TMEM178B: variants seen among roughly 807,000 people sequenced by gnomAD.
TMEM178B encodes transmembrane protein 178B.
TMEM178B carries 5 observed loss-of-function variants against 31.0 expected under a neutral mutation model. The observed-to-expected ratio is 0.16, with a 90% CI of 0.08 to 0.34. The LOEUF is 0.34. TMEM178B is among the 10% of genes least tolerant of loss of function. TMEM178B has a pLI of 1.00. For missense variants in TMEM178B, 275 were observed against 400.3 expected (o/e 0.69, Z 2.67); for synonymous variants, 164 against 164.0 (o/e 1.00, Z 0.00).
chr7:141,151,850 C>T (rs1273911692), intron 1 of TMEM178B, among the ~76,000 whole-genome samples: 2 of 152,110 alleles, frequency 1.3e-5, no homozygotes, highest in African/African-American at 2.4e-5. Flanking sequence ...GGGGGGGTGC[C>T]CCTCACCTCT....
At chr7:141,437,554 T>C in intron 2 of TMEM178B, 54 bp from the exon 3 acceptor site, 1 of 1,530,166 alleles carries the variant, frequency 6.5e-7, no homozygotes, top group Non-Finnish European at 8.7e-7. Flanking sequence ...GGGTATACCC[T>C]GGCCCTCAGT....
chr7:141,310,091 C>T (rs1176849727), intron 2 of TMEM178B, among the ~76,000 whole-genome samples: 3 of 152,108 alleles, frequency 2.0e-5, no homozygotes, highest in Admixed American at 2.0e-4. Flanking sequence ...CAAATGGGAT[C>T]TAATTAAACT....
At chr7:141,133,606 C>G (rs957496350) in intron 1 of TMEM178B, among the ~76,000 whole-genome samples, 1 of 151,910 alleles carries the variant, frequency 6.6e-6, no homozygotes, top group Non-Finnish European at 1.5e-5. Context: ...ATAAAGCAAC[C>G]AAATATTTGA....
intron 2 of TMEM178B, among the ~76,000 whole-genome samples, chr7:141,316,061 C>G (rs763345298): frequency 2.6e-5 from 4 of 151,982 alleles, no homozygotes; most frequent in African/African-American, 7.3e-5. Context: ...GAGTGATGCC[C>G]GGGGTGGAAT....
intron 2 of TMEM178B, among the ~76,000 whole-genome samples, chr7:141,387,334 C>T (rs1800450506): frequency 6.6e-6 from 1 of 152,084 alleles, no homozygotes; most frequent in South Asian, 2.1e-4. Flanking sequence ...AATACAGGTG[C>T]ATTTTTATTC....
chr7:141,414,246 G>A lies in TMEM178B; in HGVS notation c.497-23362G>A, dbSNP rs1586944785. The A allele has an allele frequency of 2.9e-5, 2 of 68,112 alleles. 1 individual carries two copies. The highest frequency in any genetic ancestry group is 1.0e-3 in the South Asian group (2 of 1,986). The allele number at this position is 68,112 out of a possible 1,614,324, so 4.2% of individuals were successfully genotyped here. A position where few individuals can be genotyped will look rare whatever the true frequency, so the allele number is the denominator to read the frequency against. ...ACTACAGGCGCCCGCCACCGCGCCC[G>A]GCTAATTTTTTGTATTTTTAGTAGA... On this transcript the variant is annotated intron_variant, in intron 2 of 3. Coordinates refer to ENST00000565468, the MANE Select transcript of TMEM178B (RefSeq NM_001195278.2).
chr7:141,299,784 CTTTTA>C (rs1359528513), intron 2 of TMEM178B, among the ~76,000 whole-genome samples: 2 of 151,898 alleles, frequency 1.3e-5, no homozygotes, highest in African/African-American at 2.4e-5. Flanking sequence ...AGAGTGACTT[CTTTTA>C]TTTGTTTTAT....
At chr7:141,239,717 T>C (rs1197057232) in intron 2 of TMEM178B, among the ~76,000 whole-genome samples, 3 of 152,170 alleles carry the variant, frequency 2.0e-5, no homozygotes, top group Non-Finnish European at 4.4e-5. Flanking sequence ...TCATCCATGG[T>C]GGTTTCCAAC....
At chr7:141,303,653 G>T (rs529157661) in intron 2 of TMEM178B, among the ~76,000 whole-genome samples, 71 of 152,340 alleles carry the variant, frequency 4.7e-4, no homozygotes, top group African/African-American at 1.6e-3. Context: ...TTTTGGTGGA[G>T]AGAGAGCTTT....
intron 2 of TMEM178B, among the ~76,000 whole-genome samples, chr7:141,369,132 C>T (rs1194040199): frequency 6.6e-6 from 1 of 152,284 alleles, no homozygotes; most frequent in East Asian, 1.9e-4. Flanking sequence ...CTCAACTGTT[C>T]CTCTGGTATT....
intron 1 of TMEM178B, among the ~76,000 whole-genome samples, chr7:141,210,235 C>T (rs906190959): frequency 5.3e-5 from 8 of 151,990 alleles, no homozygotes; most frequent in Non-Finnish European, 1.0e-4. Flanking sequence ...GAGGCCGAGG[C>T]GGGTGGATCA....
chr7:141,496,782 T>A, the TMEM178B span, among the ~76,000 whole-genome samples: 1 of 137,764 alleles, frequency 7.3e-6, no homozygotes, highest in Non-Finnish European at 1.5e-5. Context: ...GCAAAAAAAA[T>A]GGTCTAAAAT....
chr7:141,447,041 G>A (rs1469632001), intron 3 of TMEM178B, among the ~76,000 whole-genome samples: 1 of 151,988 alleles, frequency 6.6e-6, no homozygotes, highest in African/African-American at 2.4e-5. Context: ...TCATTTATTT[G>A]TTTGCTCAAT....
At chr7:141,373,319 A>C (rs1180325300) in intron 2 of TMEM178B, among the ~76,000 whole-genome samples, 2 of 152,200 alleles carry the variant, frequency 1.3e-5, no homozygotes, top group Admixed American at 6.5e-5. Context: ...CTCGGACCCA[A>C]ATAAACAACA....
intron 2 of TMEM178B, among the ~76,000 whole-genome samples, chr7:141,398,892 A>G (rs1800704546): frequency 6.6e-6 from 1 of 152,160 alleles, no homozygotes; most frequent in Non-Finnish European, 1.5e-5. Context: ...TGTCATTATT[A>G]AAGCTCCTGG....
In TMEM178B at chr7:141,288,457, C is replaced by T. The variant is rs547863891; in HGVS notation, c.496+75753C>T. On this transcript the variant is annotated intron_variant, in intron 2 of 3. Transcript: ENST00000565468. ...CTTAGCTTCTACCTACAAAGATAAG[C>T]AGAGCATCCCTGTCCGGAAAAAAAT... Among the ~76,000 whole-genome samples, 5 of 142,290 alleles carry T rather than the reference C, an allele frequency of 3.5e-5. No individual in the cohort carries two copies. The South Asian group carries it at 1.1e-3, about 32-fold the overall frequency. 93.3% of individuals were successfully genotyped at this position (142,290 alleles called of 152,430 possible).
intron 1 of TMEM178B, among the ~76,000 whole-genome samples, chr7:141,108,752 T>A (rs1795186133): frequency 1.3e-5 from 2 of 152,152 alleles, no homozygotes; most frequent in African/African-American, 2.4e-5. Context: ...GTGTGTTTTT[T>A]CTCTAGCAGT....
intron 2 of TMEM178B, among the ~76,000 whole-genome samples, chr7:141,374,975 C>T (rs1419417685): frequency 6.6e-6 from 1 of 152,184 alleles, no homozygotes; most frequent in African/African-American, 2.4e-5. Flanking sequence ...TATATGTCCC[C>T]ATGTCCCATG....
intron 2 of TMEM178B, among the ~76,000 whole-genome samples, chr7:141,371,096 T>C (rs1394487297): frequency 6.6e-6 from 1 of 152,252 alleles, no homozygotes; most frequent in East Asian, 1.9e-4. Context: ...AGCTGAATTA[T>C]AAGCAACAGA....
Sources: allele counts gnomAD v4.1 joint callset (sites outside exome capture counted in the v4.1 genomes callset), GRCh38; gene constraint gnomAD v4.1.1; transcripts MANE v1.5; gene names NCBI Gene and HGNC (gene_info 2026-07-23, HGNC 2026-07-21).